C1orf94: variants seen among roughly 807,000 people sequenced by gnomAD.
C1orf94 encodes chromosome 1 open reading frame 94, also known as uncharacterized protein C1orf94.
A neutral mutation model predicts 53.6 loss-of-function variants in C1orf94; 45 were observed. That is an observed-to-expected ratio of 0.84 (90% CI 0.66 to 1.08). The LOEUF (loss-of-function observed/expected upper bound fraction) is 1.08. Ranked by LOEUF, C1orf94 falls within the 50% of genes least tolerant of loss-of-function variation. The pLI, the probability that C1orf94 is intolerant of heterozygous loss-of-function variation, is 0.00. For synonymous variants in C1orf94, 304 were observed against 296.1 expected, an observed-to-expected ratio of 1.03 and a Z score of -0.27; for missense variants, 762 against 738.9, an observed-to-expected ratio of 1.03 and a Z score of -0.36.
chr1:34,205,946 G>A (rs1460650751), intron 4 of C1orf94, among the ~76,000 whole-genome samples: 1 of 152,212 alleles, frequency 6.6e-6, no homozygotes, highest in African/African-American at 2.4e-5. Flanking sequence ...GCAAAGAACA[G>A]TGAATGTTTA....
intron 1 of C1orf94, among the ~76,000 whole-genome samples, chr1:34,171,216 C>A (rs907280142): frequency 1.3e-5 from 2 of 152,208 alleles, no homozygotes; most frequent in Non-Finnish European, 2.9e-5. Flanking sequence ...CTAAGCCATT[C>A]TGACACCCTT....
At chr1:34,212,144 G>A (rs1642899923) in intron 5 of C1orf94, 66 bp from the exon 6 acceptor site, 1 of 1,441,240 alleles carries the variant, frequency 6.9e-7, no homozygotes, top group South Asian at 1.4e-5. Flanking sequence ...ACTGGGGGTG[G>A]GTGGCTGGGG....
In C1orf94 at chr1:34,201,045, A is replaced by G. The variant is rs1420545566; in HGVS notation, c.1270+13A>G. The G allele has an allele frequency of 2.5e-6, 4 of 1,571,090 alleles. No individual in the cohort carries two copies. The highest frequency in any genetic ancestry group is 3.5e-6 in the Non-Finnish European group (4 of 1,157,378). On this transcript the variant is annotated intron_variant, in intron 3 of 6. Coordinates refer to ENST00000488417, the MANE Select transcript of C1orf94 (RefSeq NM_001134734.2). ...CCGGAGCTGAAATGTGAGCTGACCT[A>G]CCCAGGGAGGGATTGGAGGGGAGGG...
chr1:34,186,821 G>A (rs555125333), intron 1 of C1orf94, among the ~76,000 whole-genome samples: 5 of 152,192 alleles, frequency 3.3e-5, no homozygotes, highest in Non-Finnish European at 7.3e-5. Context: ...CTGCCTTGTG[G>A]CAACAATTCC....
In C1orf94 at chr1:34,212,333, A is replaced by T; in HGVS notation, c.1648A>T (p.Met550Leu). ...YPYPQRTPPK[M>L]SANPRDPPLM... Reference sequence around the variant, plus strand: ...CTACCCTCAGAGGACACCTCCAAAGATGTCTGCCAACCCCCGAGACCCTCC... The same window carrying T: ...CTACCCTCAGAGGACACCTCCAAAGTTGTCTGCCAACCCCCGAGACCCTCC... The change falls in exon 6 of 7, where the codon ATG becomes TTG. Residue 550 changes from methionine (M) to leucine (L), a missense_variant. Coordinates refer to ENST00000488417, the MANE Select transcript of C1orf94 (RefSeq NM_001134734.2). 1 of 1,612,798 alleles carries T rather than the reference A, an allele frequency of 6.2e-7. No homozygotes were observed. Among genetic ancestry groups the T allele is most frequent in the Middle Eastern group, 1.7e-4 (1 of 6,058 alleles).
intron 1 of C1orf94, among the ~76,000 whole-genome samples, chr1:34,190,228 T>C (rs1372921080): frequency 2.0e-5 from 3 of 152,186 alleles, no homozygotes; most frequent in African/African-American, 7.2e-5. Flanking sequence ...AGTCCCCTCC[T>C]GTCACTCCTC....
intron 1 of C1orf94, among the ~76,000 whole-genome samples, chr1:34,192,212 C>A (rs768931990): frequency 6.6e-6 from 1 of 152,174 alleles, no homozygotes; most frequent in Non-Finnish European, 1.5e-5. Flanking sequence ...CAGGCCTAAC[C>A]GTGAACCCAG....
intron 6 of C1orf94, among the ~76,000 whole-genome samples, chr1:34,214,732 G>A (rs78964921): frequency 5.3e-4 from 80 of 152,296 alleles, no homozygotes; most frequent in African/African-American, 1.7e-3. Flanking sequence ...TGCAGAGGTC[G>A]GAGGAGTGGG....
intron 1 of C1orf94, among the ~76,000 whole-genome samples, chr1:34,195,321 G>A (rs1350849346): frequency 6.6e-6 from 1 of 152,196 alleles, no homozygotes; most frequent in Admixed American, 6.5e-5. Context: ...TGAGGCAGGT[G>A]ATGTTAGGTG....
chr1:34,173,350 A>G (rs2148608827), upstream of C1orf94, among the ~76,000 whole-genome samples: 1 of 152,364 alleles, frequency 6.6e-6, no homozygotes, highest in South Asian at 2.1e-4. Context: ...AATATGTTAG[A>G]TGAGGAACCT....
chr1:34,196,968 C>T (rs1174407228), intron 1 of C1orf94, among the ~76,000 whole-genome samples: 1 of 152,148 alleles, frequency 6.6e-6, no homozygotes, highest in Admixed American at 6.5e-5. Flanking sequence ...TGTGACTTGC[C>T]CCAGCTCACT....
chr1:34,174,879 G>A (rs369238649), upstream of C1orf94, among the ~76,000 whole-genome samples: 2 of 152,142 alleles, frequency 1.3e-5, no homozygotes, highest in East Asian at 1.9e-4. Context: ...AGGGACTCTG[G>A]TTCCCGAGAA....
upstream of C1orf94, among the ~76,000 whole-genome samples, chr1:34,173,945 T>C (rs544784080): frequency 1.3e-5 from 2 of 152,302 alleles, no homozygotes; most frequent in Admixed American, 1.3e-4. Context: ...GGAACATAAC[T>C]CCATGTTGGA....
chr1:34,192,673 C>A (rs1016602733), intron 1 of C1orf94, among the ~76,000 whole-genome samples: 2 of 151,966 alleles, frequency 1.3e-5, no homozygotes, highest in African/African-American at 4.8e-5. Context: ...AGAAAATAAA[C>A]AGATTGACAG....
chr1:34,175,152 A>T (rs1290381471), upstream of C1orf94, among the ~76,000 whole-genome samples: 1 of 151,890 alleles, frequency 6.6e-6, no homozygotes, highest in African/African-American at 2.4e-5. Context: ...CACTCTAAAA[A>T]CATGCTCTAT....
At chr1:34,187,239 G>C (rs543307594) in intron 1 of C1orf94, among the ~76,000 whole-genome samples, 1 of 152,132 alleles carries the variant, frequency 6.6e-6, no homozygotes, top group Non-Finnish European at 1.5e-5. Flanking sequence ...AGAAAGGTGA[G>C]GCTCAGAGAG....
At position 34,211,053 on chromosome 1, in the gene C1orf94, G is replaced by C. The variant is rs139510940; in HGVS notation, c.1525-1157G>C. Among the ~76,000 whole-genome samples the C allele has an allele frequency of 2.3e-3, 343 of 152,164 alleles. 3 individuals carry two copies. In the South Asian group the frequency reaches 0.028, roughly 12 times the overall value. ...CTTGGACCCCAGACTTGCTATTAAA[G>C]TGGAAATCCAGAAGTTTCTTCAAAT... On this transcript the variant is annotated intron_variant, in intron 5 of 6. Coordinates refer to ENST00000488417, the MANE Select transcript of C1orf94 (RefSeq NM_001134734.2).
intron 5 of C1orf94, among the ~76,000 whole-genome samples, chr1:34,209,868 T>C (rs1195233421): frequency 6.6e-6 from 1 of 152,228 alleles, no homozygotes; most frequent in Admixed American, 6.5e-5. Flanking sequence ...TGTGTATGCA[T>C]GCATGCATGT....
In C1orf94 at chr1:34,183,393, G is replaced by T. The variant is rs1315860120; in HGVS notation, c.320+5284G>T. 2.6e-5 allele frequency among the ~76,000 whole-genome samples: 4 copies of T among 152,314 alleles called. No homozygotes were observed. In the East Asian group the frequency reaches 5.8e-4, roughly 22 times the overall value. On this transcript the variant is annotated intron_variant, in intron 1 of 6. Coordinates refer to ENST00000488417, the MANE Select transcript of C1orf94 (RefSeq NM_001134734.2). ...TTGCCCTAACTACAGAATGACATTT[G>T]TTCATTTCTTCATTCATGAATTCAT...
Sources: gnomAD v4.1 joint callset for allele counts (sites outside exome capture counted in the v4.1 genomes callset) on GRCh38, gnomAD v4.1.1 for gene constraint, MANE v1.5 for transcripts, NCBI Gene and HGNC (gene_info 2026-07-23, HGNC 2026-07-21) for gene names.